Variants in MOGAT1 observed in about 807,000 individuals in gnomAD.
MOGAT1 encodes monoacylglycerol O-acyltransferase 1, also known as 2-acylglycerol O-acyltransferase 1.
MOGAT1 carries 32 observed loss-of-function variants against 31.4 expected under a neutral mutation model. The observed-to-expected ratio is 1.02, with a 90% CI of 0.77 to 1.37. MOGAT1 has a LOEUF of 1.37. Among genes scored for constraint, MOGAT1 ranks in the 40% most tolerant of loss-of-function variants. The pLI, the probability that MOGAT1 is intolerant of heterozygous loss-of-function variation, is 0.00. For synonymous variants in MOGAT1, 145 were observed against 144.5 expected, an observed-to-expected ratio of 1.00 and a Z score of -0.03; for missense variants, 426 against 402.0, an observed-to-expected ratio of 1.06 and a Z score of -0.51.
chr2:222,685,216 T>C (rs1311646348), intron 1 of MOGAT1, among the ~76,000 whole-genome samples: 1 of 152,234 alleles, frequency 6.6e-6, no homozygotes, highest in Non-Finnish European at 1.5e-5. Flanking sequence ...ATGTCCCATC[T>C]GCAGCTACAT....
At position 222,695,197 on chromosome 2, in the gene MOGAT1, C is replaced by T; in HGVS notation, c.762C>T (p.Ile254=). 3.1e-6 allele frequency: 5 copies of T among 1,613,698 alleles called. No individual in the cohort carries two copies. The highest frequency in any genetic ancestry group is 4.2e-6 in the Non-Finnish European group (5 of 1,179,750). ...IRTVQNKLQK[I]MGFALPLFHA... is the part of the protein sequence containing the mutation. The stretch of plus-strand genomic sequence containing the variant: ...CTGTTCAGAATAAACTGCAGAAGAT[C>T]ATGGGGTTTGCTTTGCCCCTGTTTC... Residue 254 remains isoleucine, a synonymous_variant, in exon 5 of 6, where the codon ATC becomes ATT. Transcript: ENST00000446656.
At chr2:222,688,225 C>A in intron 1 of MOGAT1, 119 bp from the exon 2 acceptor site, 2 of 677,392 alleles carry the variant, frequency 3.0e-6, no homozygotes, top group Admixed American at 3.5e-5. Flanking sequence ...GTTATATTAC[C>A]TTACCTGAAC....
chr2:222,682,519 A>G (rs1574970588), intron 1 of MOGAT1, among the ~76,000 whole-genome samples: 1 of 152,324 alleles, frequency 6.6e-6, no homozygotes, highest in East Asian at 1.9e-4. Flanking sequence ...ATTAGATCCT[A>G]TGAGGAGGCA....
In MOGAT1 at chr2:222,671,778, G is replaced by T; in HGVS notation, c.-8G>T. The T allele has an allele frequency of 1.3e-6, 2 of 1,549,974 alleles. No homozygotes were observed. The highest frequency in any genetic ancestry group is 1.7e-6 in the Non-Finnish European group (2 of 1,146,788). On this transcript the variant is annotated 5_prime_UTR_variant, in exon 1 of 6. Transcript: ENST00000446656. ...CAGTGGCTGGCGCCGTCCTCGCCCG[G>T]CCAGGCCATGAAGGTAGAGTTTGCA...
chr2:222,709,064 C>T (rs1693072467), intron 5 of MOGAT1, among the ~76,000 whole-genome samples: 1 of 152,118 alleles, frequency 6.6e-6, no homozygotes, highest in African/African-American at 2.4e-5. Context: ...CAGACTGGGC[C>T]TGGCCAGTCG....
chr2:222,688,344 G>T lies in MOGAT1; in HGVS notation c.95G>T (p.Gly32Val), dbSNP rs1460515289. The change falls in exon 2 of 6, where the codon GGG (glycine) becomes GTG (valine). Residue 32 changes from glycine to valine, a missense_variant and splice_region_variant. By Grantham distance (109) the Gly-to-Val change is moderately radical (BLOSUM62 -3). Transcript: ENST00000446656. ...LQWVLKYLLL[G>V]PMSIGITVML... ...CATGAGACTTTTTCTTTTCTTACAG[G>T]GCCGATGTCCATTGGAATCACTGTG... The T allele has an allele frequency of 1.2e-6, 2 of 1,603,458 alleles. No homozygotes were observed. The highest frequency in any genetic ancestry group is 2.7e-5 in the African/African-American group (2 of 74,514).
chr2:222,682,239 G>T (rs574417652), intron 1 of MOGAT1, among the ~76,000 whole-genome samples: 162 of 152,072 alleles, frequency 1.1e-3, no homozygotes, highest in African/African-American at 3.8e-3. Context: ...AGCATGTATC[G>T]CCTGAAAACA....
intron 1 of MOGAT1, among the ~76,000 whole-genome samples, chr2:222,674,995 C>A (rs1157455761): frequency 6.6e-6 from 1 of 152,180 alleles, no homozygotes; most frequent in Non-Finnish European, 1.5e-5. Context: ...CTAGCAATTT[C>A]TTTGAGCCCA....
intron 1 of MOGAT1, among the ~76,000 whole-genome samples, chr2:222,679,087 A>T (rs1257101650): frequency 6.6e-6 from 1 of 152,170 alleles, no homozygotes; most frequent in African/African-American, 2.4e-5. Flanking sequence ...CAGTGTCTAA[A>T]TCCATTTTTC....
At chr2:222,697,649 C>G (rs929471787) in intron 5 of MOGAT1, among the ~76,000 whole-genome samples, 2 of 135,066 alleles carry the variant, frequency 1.5e-5, no homozygotes, top group East Asian at 4.6e-4. Flanking sequence ...ATGGCATGAT[C>G]TGCAACCTCC....
At chr2:222,675,043 T>A (rs1692474671) in intron 1 of MOGAT1, among the ~76,000 whole-genome samples, 1 of 152,268 alleles carries the variant, frequency 6.6e-6, no homozygotes, top group Non-Finnish European at 1.5e-5. Context: ...TTGGTTTTTA[T>A]GTCTTTCAGG....
chr2:222,695,656 TAA>T (rs1692827060), intron 5 of MOGAT1, among the ~76,000 whole-genome samples: 1 of 152,248 alleles, frequency 6.6e-6, no homozygotes, highest in South Asian at 2.1e-4. Context: ...TTCTGTATGA[TAA>T]GTGTCCTCAT....
chr2:222,694,771 A>G (rs1371626431), intron 4 of MOGAT1, among the ~76,000 whole-genome samples: 4 of 152,222 alleles, frequency 2.6e-5, no homozygotes, highest in Non-Finnish European at 5.9e-5. Context: ...CGAGAACAAC[A>G]ACAAAAACCA....
intron 1 of MOGAT1, among the ~76,000 whole-genome samples, chr2:222,687,113 C>CAAAAAAAAAAAAAAAAA (rs1177781176): frequency 8.9e-5 from 2 of 22,452 alleles, no homozygotes; most frequent in Admixed American, 7.4e-4. Flanking sequence ...GACTCCATCT[C>CAAAAAAAAAAAAAAAAA]AAAAAAAAAA....
intron 1 of MOGAT1, among the ~76,000 whole-genome samples, chr2:222,672,234 T>C (rs1043815586): frequency 6.6e-6 from 1 of 152,182 alleles, no homozygotes; most frequent in African/African-American, 2.4e-5. Context: ...CCCTCAAAAG[T>C]TGGCAAACTC....
chr2:222,703,731 T>C (rs201762019), intron 5 of MOGAT1, among the ~76,000 whole-genome samples: 1 of 152,346 alleles, frequency 6.6e-6, no homozygotes, highest in East Asian at 1.9e-4. Context: ...TTTTCTCTAA[T>C]ATACAGCTAT....
intron 1 of MOGAT1, among the ~76,000 whole-genome samples, chr2:222,683,798 A>G (rs961251987): frequency 1.3e-5 from 2 of 152,196 alleles, no homozygotes; most frequent in African/African-American, 4.8e-5. Flanking sequence ...AGCTAAGTGA[A>G]AACAGAGTGC....
rs182242715 is a variant in MOGAT1, at chr2:222,690,575, A to G, written c.478+1106A>G. Among the ~76,000 whole-genome samples, 236 of 152,246 alleles carry G rather than the reference A, an allele frequency of 1.6e-3. 1 individual carries two copies. Among genetic ancestry groups the G allele is most frequent in the Admixed American group, 0.013 (203 of 15,294 alleles). The stretch of plus-strand genomic sequence containing the variant: ...CCGTCTCAAAAAAGAAAGAAAGAAA[A>G]AAAAGAATTGTTCATGGTCCTCTAG... On this transcript the variant is annotated intron_variant, in intron 3 of 5. Transcript: ENST00000446656.
rs977658555 is a variant in MOGAT1 at position 222,709,598 on chromosome 2, T to C, written c.854-138T>C. ...TGGTGTGACCACTGCAGGCAGCCAG[T>C]GAAAGGAAACAAGGATTGGAGTGAG... On this transcript the variant is annotated intron_variant, in intron 5 of 5. Coordinates refer to ENST00000446656, the MANE Select transcript of MOGAT1 (RefSeq NM_058165.3). 5.0e-5 allele frequency: 35 copies of C among 701,460 alleles called. 1 individual carries two copies. In the South Asian group the frequency reaches 9.4e-4, roughly 19 times the overall value. 43.5% of individuals were successfully genotyped at this position (701,460 alleles called of 1,614,324 possible). A position where few individuals can be genotyped will look rare whatever the true frequency, so the allele number is the denominator to read the frequency against.
Sources: allele counts gnomAD v4.1 joint callset (sites outside exome capture counted in the v4.1 genomes callset), GRCh38; gene constraint gnomAD v4.1.1; transcripts MANE v1.5; gene names NCBI Gene and HGNC (gene_info 2026-07-23, HGNC 2026-07-21).